ZFAND3: variants seen among roughly 807,000 people sequenced by gnomAD.
ZFAND3 encodes AN1-type zinc finger protein 3.
A neutral mutation model predicts 29.6 loss-of-function variants in ZFAND3; 10 were observed. That is an observed-to-expected ratio of 0.34 (90% confidence interval 0.21 to 0.57). The LOEUF is 0.57. Among genes scored for constraint, ZFAND3 ranks in the 20% least tolerant of loss-of-function variants. The pLI is 0.86. For missense variants in ZFAND3, 230 were observed against 304.5 expected, an observed-to-expected ratio of 0.76 and a Z score of 1.82; for synonymous variants, 128 against 112.6, an observed-to-expected ratio of 1.14 and a Z score of -0.87.
intron 1 of ZFAND3, among the ~76,000 whole-genome samples, chr6:37,824,652 A>G (rs1763727108): frequency 6.6e-6 from 1 of 152,240 alleles, no homozygotes; most frequent in Non-Finnish European, 1.5e-5. Context: ...TATTTAGAGA[A>G]TAATGGAATA....
chr6:38,048,350 G>A (rs4624868), intron 2 of ZFAND3, among the ~76,000 whole-genome samples: 144,405 of 151,632 alleles, frequency 0.95, 69,081 homozygotes, highest in East Asian at 1. Flanking sequence ...GGCCGGGCGC[G>A]GTGGCTCACA....
intron 1 of ZFAND3, among the ~76,000 whole-genome samples, chr6:37,836,854 C>T (rs1763977774): frequency 6.6e-6 from 1 of 152,120 alleles, no homozygotes; most frequent in Non-Finnish European, 1.5e-5. Context: ...AGATTGCGTT[C>T]ACCTCATTTG....
chr6:38,072,228 G>A lies in ZFAND3; in HGVS notation c.296-10164G>A, dbSNP rs1445496460. ...TGTAAAATAACCATTTTTGCTCGTT[G>A]GTATTTATCACCTAAATTTCCCTCT... On this transcript the variant is annotated intron_variant, in intron 3 of 5. Coordinates refer to ENST00000287218, the MANE Select transcript of ZFAND3 (RefSeq NM_021943.3). Among the ~76,000 whole-genome samples, 4 of 151,680 alleles carry A rather than the reference G, an allele frequency of 2.6e-5. 1 individual carries two copies. Among genetic ancestry groups the A allele is most frequent in the Middle Eastern group, 6.3e-3 (2 of 316 alleles).
chr6:37,912,943 A>G (rs1173060280), intron 1 of ZFAND3, among the ~76,000 whole-genome samples: 1 of 152,240 alleles, frequency 6.6e-6, no homozygotes, highest in Non-Finnish European at 1.5e-5. Context: ...GTACATATAA[A>G]AGTTATGTTT....
intron 2 of ZFAND3, among the ~76,000 whole-genome samples, chr6:38,028,022 C>G (rs1005534184): frequency 6.6e-6 from 1 of 152,200 alleles, no homozygotes; most frequent in African/African-American, 2.4e-5. Flanking sequence ...GTCAAGTTGT[C>G]TGCTCTGTTT....
intron 2 of ZFAND3, among the ~76,000 whole-genome samples, chr6:37,971,831 G>GAAAAAAAAAAAAAAAAAAAAAA: frequency 8.5e-6 from 1 of 117,896 alleles, no homozygotes; most frequent in Non-Finnish European, 1.7e-5. Context: ...TGTACAAAAT[G>GAAAAAAAAAAAAAAAAAAAAAA]AAAAAAAAAA....
intron 1 of ZFAND3, among the ~76,000 whole-genome samples, chr6:37,862,133 A>G (rs11757086): frequency 0.066 from 10,072 of 152,066 alleles, 417 homozygotes; most frequent in Non-Finnish European, 0.095. Context: ...TTTACTTTTT[A>G]TTGAATTTTT....
chr6:37,993,980 C>T (rs868472451), intron 2 of ZFAND3, among the ~76,000 whole-genome samples: 1 of 152,050 alleles, frequency 6.6e-6, no homozygotes, highest in East Asian at 1.9e-4. Flanking sequence ...AAATCGTTAT[C>T]GAACTACCAT....
At chr6:38,105,994 G>A (rs1009481014) in intron 4 of ZFAND3, among the ~76,000 whole-genome samples, 1 of 152,110 alleles carries the variant, frequency 6.6e-6, no homozygotes, top group African/African-American at 2.4e-5. Flanking sequence ...GGTTCAGAGG[G>A]AGGGAGAAGA....
Position 38,153,165 on chromosome 6 carries a change from C to T in ZFAND3, c.*776C>T. ...TCCGCCGGCTCTGGTCTGCCATTCG[C>T]CAGTGCAGGGATCTGGCACGGACCA... On this transcript the variant is annotated 3_prime_UTR_variant, in exon 6 of 6. Coordinates refer to ENST00000287218, the MANE Select transcript of ZFAND3 (RefSeq NM_021943.3). 1 of 985,490 alleles carries T rather than the reference C, an allele frequency of 1.0e-6. No individual in the cohort carries two copies. Among genetic ancestry groups the T allele is most frequent in the East Asian group, 1.1e-4 (1 of 8,812 alleles). The allele number at this position is 985,490 out of a possible 1,614,324, so 61.0% of individuals were successfully genotyped here.
chr6:38,072,201 G>A (rs1042184343), intron 3 of ZFAND3, among the ~76,000 whole-genome samples: 1 of 151,940 alleles, frequency 6.6e-6, no homozygotes, highest in Admixed American at 6.6e-5. Flanking sequence ...GCACTTGCCT[G>A]TTGTAAAATA....
chr6:38,090,943 A>G (rs1370443915), intron 4 of ZFAND3, among the ~76,000 whole-genome samples: 1 of 152,210 alleles, frequency 6.6e-6, no homozygotes, highest in Non-Finnish European at 1.5e-5. Flanking sequence ...CGTTTGTGTT[A>G]CAGCACAATG....
intron 2 of ZFAND3, among the ~76,000 whole-genome samples, chr6:38,050,307 G>A (rs1167714357): frequency 6.6e-6 from 1 of 151,860 alleles, no homozygotes; most frequent in South Asian, 2.1e-4. Flanking sequence ...ATGGAGTTTT[G>A]AGATGTTACC....
At chr6:38,079,972 T>G (rs1764628732) in intron 3 of ZFAND3, among the ~76,000 whole-genome samples, 1 of 151,938 alleles carries the variant, frequency 6.6e-6, no homozygotes, top group African/African-American at 2.4e-5. Context: ...TTAAAATCCC[T>G]CAGGATGTAC....
intron 2 of ZFAND3, among the ~76,000 whole-genome samples, chr6:38,004,849 T>G (rs1763021394): frequency 6.6e-6 from 1 of 152,200 alleles, no homozygotes; most frequent in Non-Finnish European, 1.5e-5. Context: ...CATCATCATG[T>G]GGCAAAGGTA....
At chr6:38,016,318 A>G (rs1437658989) in intron 2 of ZFAND3, among the ~76,000 whole-genome samples, 1 of 152,222 alleles carries the variant, frequency 6.6e-6, no homozygotes, top group East Asian at 1.9e-4. Flanking sequence ...TTAACCACCT[A>G]GATTAAATAA....
intron 2 of ZFAND3, among the ~76,000 whole-genome samples, chr6:38,026,047 A>G (rs1476249968): frequency 6.6e-6 from 1 of 152,218 alleles, no homozygotes; most frequent in Non-Finnish European, 1.5e-5. Context: ...TATAATATGT[A>G]AATTGTATCT....
At chr6:38,034,576 A>C (rs1212622928) in intron 2 of ZFAND3, among the ~76,000 whole-genome samples, 2 of 152,176 alleles carry the variant, frequency 1.3e-5, no homozygotes, top group Non-Finnish European at 2.9e-5. Context: ...TTCTTGACCA[A>C]TGTAACTAAA....
chr6:38,123,793 G>A (rs1308527634), intron 5 of ZFAND3, among the ~76,000 whole-genome samples: 1 of 152,138 alleles, frequency 6.6e-6, no homozygotes, highest in East Asian at 1.9e-4. Context: ...TCTTCCTTCT[G>A]GTGGGTTCTT....
Sources: gnomAD v4.1 joint callset for allele counts (sites outside exome capture counted in the v4.1 genomes callset) on GRCh38, gnomAD v4.1.1 for gene constraint, MANE v1.5 for transcripts, NCBI Gene and HGNC (gene_info 2026-07-23, HGNC 2026-07-21) for gene names.